Variants in EYS observed in about 807,000 individuals in gnomAD.
EYS encodes the protein protein eyes shut homolog.
In EYS, 250 loss-of-function variants were observed where a neutral mutation model predicts 282.1. The ratio of observed to expected loss-of-function variants is 0.89; its 90% CI spans 0.80 to 0.98. The LOEUF (loss-of-function observed/expected upper bound fraction) is 0.98, where lower values mean the gene tolerates loss of function less well. Ranked by LOEUF, EYS falls within the 50% of genes least tolerant of loss-of-function variation. The pLI is 0.00. For missense variants in EYS, 4,016 were observed against 3,709.0 expected, an observed-to-expected ratio of 1.08 and a Z score of -2.15; for synonymous variants, 1,355 against 1,282.9, an observed-to-expected ratio of 1.06 and a Z score of -1.20.
chr6:64,392,302 C>G (rs1208284422), intron 28 of EYS, among the ~76,000 whole-genome samples: 1 of 149,140 alleles, frequency 6.7e-6, no homozygotes, highest in Non-Finnish European at 1.5e-5. Flanking sequence ...GAACTCTCCA[C>G]CCCAAATCAA....
chr6:63,880,485 CTG>C (rs1554184430), intron 35 of EYS, among the ~76,000 whole-genome samples: 77 of 105,716 alleles, frequency 7.3e-4, no homozygotes, highest in African/African-American at 1.3e-3. Flanking sequence ...GTCTGTCTGT[CTG>C]TATCTATCTA....
intron 22 of EYS, among the ~76,000 whole-genome samples, chr6:64,804,592 A>ATTGTAATTAAT (rs1388193963): frequency 6.6e-6 from 1 of 152,112 alleles, no homozygotes; most frequent in Non-Finnish European, 1.5e-5. Flanking sequence ...GAAATACAGA[A>ATTGTAATTAAT]TTGTAATTAA....
intron 36 of EYS, among the ~76,000 whole-genome samples, chr6:63,826,029 AATAG>A (rs764207726): frequency 6.6e-6 from 1 of 152,214 alleles, no homozygotes; most frequent in African/African-American, 2.4e-5. Flanking sequence ...TATTCAAGGA[AATAG>A]ATAGCTTAAA....
chr6:64,773,998 C>T (rs1012863367), intron 22 of EYS, among the ~76,000 whole-genome samples: 1 of 151,916 alleles, frequency 6.6e-6, no homozygotes, highest in South Asian at 2.1e-4. Flanking sequence ...ATCATGAAAA[C>T]TTTGCCAGAT....
intron 41 of EYS, among the ~76,000 whole-genome samples, chr6:63,735,049 C>A (rs1768874914): frequency 6.6e-6 from 1 of 152,076 alleles, no homozygotes; most frequent in South Asian, 2.1e-4. Context: ...ATTATATTTA[C>A]ATTTACAGAC....
At chr6:65,519,704 ATATATTTT>A (rs1448800250) in intron 2 of EYS, among the ~76,000 whole-genome samples, 1 of 36,240 alleles carries the variant, frequency 2.8e-5, no homozygotes, top group African/African-American at 1.5e-4. Context: ...ATATATATAT[ATATATTTT>A]TTTTTTTTTT....
chr6:63,787,518 A>G (rs920530681), intron 39 of EYS: 2 of 152,210 alleles, frequency 1.3e-5, no homozygotes, highest in African/African-American at 4.8e-5. Flanking sequence ...TTCCCATTGA[A>G]CTTATCACAT....
At chr6:64,698,060 A>G (rs1259134242) in intron 22 of EYS, among the ~76,000 whole-genome samples, 2 of 152,186 alleles carry the variant, frequency 1.3e-5, no homozygotes, top group African/African-American at 4.8e-5. Context: ...ATAAAAATAC[A>G]TGGAAATTAA....
intron 12 of EYS, among the ~76,000 whole-genome samples, chr6:65,082,721 T>C (rs1332982388): frequency 6.6e-6 from 1 of 152,096 alleles, no homozygotes; most frequent in African/African-American, 2.4e-5. Context: ...TTCTGAGTTC[T>C]TGAAGCTATT....
At chr6:64,579,940 T>C (rs1337971550) in intron 26 of EYS, among the ~76,000 whole-genome samples, 2 of 152,104 alleles carry the variant, frequency 1.3e-5, no homozygotes, top group Non-Finnish European at 2.9e-5. Context: ...CTCTTAGCCA[T>C]CATTAAGTTG....
At chr6:64,154,440 CAAAAAAAA>C (rs397819570) in intron 31 of EYS, among the ~76,000 whole-genome samples, 1,455 of 59,534 alleles carry the variant, frequency 0.024, 36 homozygotes, top group African/African-American at 0.067. Context: ...AACTCCGTCT[CAAAAAAAA>C]AAAAAAAAAA....
chr6:65,260,232 G>A (rs1767585445), intron 12 of EYS, among the ~76,000 whole-genome samples: 1 of 151,952 alleles, frequency 6.6e-6, no homozygotes, highest in African/African-American at 2.4e-5. Flanking sequence ...GGGGGAAACT[G>A]TCTTTATGAT....
At chr6:64,505,397 A>G (rs1261550505) in intron 26 of EYS, among the ~76,000 whole-genome samples, 1 of 152,170 alleles carries the variant, frequency 6.6e-6, no homozygotes, top group Non-Finnish European at 1.5e-5. Flanking sequence ...AAATGAACCC[A>G]TATTTATTTG....
At chr6:63,990,853 C>T (rs575068221) in intron 34 of EYS, among the ~76,000 whole-genome samples, 72 of 151,594 alleles carry the variant, frequency 4.7e-4, no homozygotes, top group Non-Finnish European at 8.7e-4. Flanking sequence ...TTCAAAGGAC[C>T]CAGAATACAG....
chr6:65,483,291 G>A (rs975389537), intron 5 of EYS, among the ~76,000 whole-genome samples: 2 of 151,740 alleles, frequency 1.3e-5, no homozygotes, highest in African/African-American at 4.8e-5. Context: ...AAATATGATT[G>A]GCATGCTCTA....
intron 22 of EYS, among the ~76,000 whole-genome samples, chr6:64,783,625 G>T (rs907104561): frequency 4.6e-5 from 7 of 152,012 alleles, no homozygotes; most frequent in Non-Finnish European, 1.0e-4. Context: ...TGTAAATAAA[G>T]ATGGAAATCA....
intron 41 of EYS, among the ~76,000 whole-genome samples, chr6:63,739,719 A>G (rs957207260): frequency 1.3e-5 from 2 of 151,942 alleles, no homozygotes; most frequent in African/African-American, 4.8e-5. Flanking sequence ...CCCAAGACAG[A>G]GTCTTGCTCT....
At chr6:64,126,878 T>C (rs550860378) in intron 31 of EYS, among the ~76,000 whole-genome samples, 1 of 152,154 alleles carries the variant, frequency 6.6e-6, no homozygotes, top group African/African-American at 2.4e-5. Context: ...TATATGTATG[T>C]ATTCAAATAT....
intron 29 of EYS, among the ~76,000 whole-genome samples, chr6:64,330,130 G>A (rs1331382434): frequency 6.6e-6 from 1 of 152,178 alleles, no homozygotes; most frequent in Non-Finnish European, 1.5e-5. Flanking sequence ...CAAAAGAAGA[G>A]TGCTTTCAAG....
Sources: allele counts gnomAD v4.1 joint callset (sites outside exome capture counted in the v4.1 genomes callset), GRCh38; gene constraint gnomAD v4.1.1; transcripts MANE v1.5; gene names NCBI Gene and HGNC (gene_info 2026-07-23, HGNC 2026-07-21).